Variants in TAFA2 observed in about 807,000 individuals in gnomAD.
The protein encoded by TAFA2 is chemokine-like protein TAFA-2.
A neutral mutation model predicts 18.8 loss-of-function variants in TAFA2; 7 were observed. The observed-to-expected ratio is 0.37, with a 90% confidence interval of 0.21 to 0.70. The LOEUF is 0.70. TAFA2 is among the 30% of genes least tolerant of loss of function. The pLI is 0.53. For synonymous variants in TAFA2, 60 were observed against 54.2 expected, an observed-to-expected ratio of 1.11 and a Z score of -0.47; for missense variants, 122 against 158.1, an observed-to-expected ratio of 0.77 and a Z score of 1.23.
At chr12:61,808,895 A>C (rs2120997283) in intron 2 of TAFA2, among the ~76,000 whole-genome samples, 1 of 151,696 alleles carries the variant, frequency 6.6e-6, no homozygotes, top group African/African-American at 2.4e-5. Flanking sequence ...GTGTTATCTA[A>C]ATTGTATTAT....
intron 1 of TAFA2, among the ~76,000 whole-genome samples, chr12:62,219,900 T>G: frequency 6.6e-6 from 1 of 152,212 alleles, no homozygotes; most frequent in African/African-American, 2.4e-5. Context: ...AGATATGAAC[T>G]ATTTTTAAAC....
intron 1 of TAFA2, among the ~76,000 whole-genome samples, chr12:62,147,811 T>C (rs1349699126): frequency 2.0e-5 from 3 of 151,020 alleles, no homozygotes; most frequent in Non-Finnish European, 2.9e-5. Context: ...TTGCAAATTA[T>C]GCATCTGACA....
rs142150349 is a variant in TAFA2 at position 61,964,527 on chromosome 12, C to T, written c.-1-97101G>A. 7.2e-3 allele frequency among the ~76,000 whole-genome samples: 1,091 copies of T among 151,818 alleles called. 19 individuals are homozygous for T. Among genetic ancestry groups the T allele is most frequent in the African/African-American group, 0.025 (1,019 of 41,460 alleles). ...AATCCACCTTATACCAAATGACCCT[C>T]CCTTCCCCTACCCTGCTCAAGTCTG... On this transcript the variant is annotated intron_variant, in intron 1 of 4. Coordinates refer to ENST00000416284, the MANE Select transcript of TAFA2 (RefSeq NM_178539.5).
chr12:62,228,996 C>CT (rs2062800496), intron 1 of TAFA2, among the ~76,000 whole-genome samples: 1 of 151,774 alleles, frequency 6.6e-6, no homozygotes, highest in Admixed American at 6.6e-5. Flanking sequence ...TGGAATTATT[C>CT]TTTTTTATTT....
chr12:62,042,966 T>C (rs978736673), intron 1 of TAFA2, among the ~76,000 whole-genome samples: 1 of 152,114 alleles, frequency 6.6e-6, no homozygotes, highest in African/African-American at 2.4e-5. Flanking sequence ...AAGATCACTA[T>C]AGTTTTATAA....
At chr12:61,729,301 C>T (rs1318147367) in intron 4 of TAFA2, among the ~76,000 whole-genome samples, 1 of 151,998 alleles carries the variant, frequency 6.6e-6, no homozygotes, top group South Asian at 2.1e-4. Flanking sequence ...AAATTTTCCT[C>T]AATTATTTTA....
chr12:62,105,532 T>C (rs1869408575), intron 1 of TAFA2, among the ~76,000 whole-genome samples: 1 of 152,190 alleles, frequency 6.6e-6, no homozygotes, highest in South Asian at 2.1e-4. Context: ...TGTATTCATC[T>C]AAATAATGCA....
intron 1 of TAFA2, among the ~76,000 whole-genome samples, chr12:61,988,434 T>C (rs1879888979): frequency 1.3e-5 from 2 of 152,238 alleles, no homozygotes; most frequent in South Asian, 2.1e-4. Context: ...AAAACCAGTA[T>C]GTGAATTCAT....
chr12:62,175,782 C>T (rs1312068735), intron 1 of TAFA2, among the ~76,000 whole-genome samples: 11 of 151,618 alleles, frequency 7.3e-5, no homozygotes, highest in Non-Finnish European at 1.3e-4. Flanking sequence ...ATAATTAAGG[C>T]GAATTATCAA....
chr12:62,029,015 T>A (rs965798984), intron 1 of TAFA2, among the ~76,000 whole-genome samples: 1 of 152,178 alleles, frequency 6.6e-6, no homozygotes, highest in Non-Finnish European at 1.5e-5. Flanking sequence ...CTAATAGATA[T>A]GCATTAGAAA....
At chr12:61,710,667 G>C (rs1426438526) in intron 4 of TAFA2, among the ~76,000 whole-genome samples, 1 of 151,976 alleles carries the variant, frequency 6.6e-6, no homozygotes, top group Admixed American at 6.6e-5. Flanking sequence ...ACTGTGACTA[G>C]AATTATCCCA....
chr12:62,021,324 T>C (rs891099678), intron 1 of TAFA2, among the ~76,000 whole-genome samples: 2 of 152,130 alleles, frequency 1.3e-5, no homozygotes, highest in African/African-American at 4.8e-5. Context: ...CAGATCGTGT[T>C]TGGTTACATG....
At chr12:62,219,813 T>A (rs1373763004) in intron 1 of TAFA2, among the ~76,000 whole-genome samples, 3 of 152,174 alleles carry the variant, frequency 2.0e-5, no homozygotes, top group Non-Finnish European at 4.4e-5. Flanking sequence ...AGTAAAGAAA[T>A]GATTCTAACA....
intron 2 of TAFA2, among the ~76,000 whole-genome samples, chr12:61,841,954 G>A (rs1401969350): frequency 6.6e-6 from 1 of 151,996 alleles, no homozygotes; most frequent in Non-Finnish European, 1.5e-5. Flanking sequence ...AAAGATGGAA[G>A]ACCAAATAGA....
At chr12:61,892,835 C>T (rs1441094031) in intron 1 of TAFA2, among the ~76,000 whole-genome samples, 1 of 151,740 alleles carries the variant, frequency 6.6e-6, no homozygotes, top group Non-Finnish European at 1.5e-5. Flanking sequence ...TGAGACTCCA[C>T]CTTGTTAAAT....
intron 1 of TAFA2, among the ~76,000 whole-genome samples, chr12:62,175,638 T>G (rs2062507654): frequency 6.6e-6 from 1 of 152,158 alleles, no homozygotes; most frequent in African/African-American, 2.4e-5. Context: ...AAAGTAGTTC[T>G]TCAAATTGAA....
chr12:61,960,622 C>A (rs1476027508), intron 1 of TAFA2, among the ~76,000 whole-genome samples: 3 of 152,040 alleles, frequency 2.0e-5, no homozygotes, highest in Non-Finnish European at 4.4e-5. Flanking sequence ...CCCATATAAG[C>A]ATTGCTGTTA....
chr12:62,139,937 A>G (rs1229532953), intron 1 of TAFA2: 2 of 152,284 alleles, frequency 1.3e-5, no homozygotes, highest in East Asian at 3.9e-4. Flanking sequence ...CTCAATAAAC[A>G]TTGGTTTCTC....
At chr12:62,131,521 C>T (rs1034885733) in intron 1 of TAFA2, among the ~76,000 whole-genome samples, 1 of 152,004 alleles carries the variant, frequency 6.6e-6, no homozygotes, top group African/African-American at 2.4e-5. Context: ...TGTGCTCCTG[C>T]AACACTCCAG....
Sources: gnomAD v4.1 joint callset for allele counts (sites outside exome capture counted in the v4.1 genomes callset) on GRCh38, gnomAD v4.1.1 for gene constraint, MANE v1.5 for transcripts, NCBI Gene and HGNC (gene_info 2026-07-23, HGNC 2026-07-21) for gene names.